Variants in LDB2 observed in about 807,000 individuals in gnomAD.
The protein encoded by LDB2 is LIM domain binding 2, also known as LIM domain-binding protein 2.
LDB2 carries 12 observed loss-of-function variants against 44.3 expected under a neutral mutation model. The observed-to-expected ratio is 0.27, with a 90% CI of 0.17 to 0.44. The LOEUF (loss-of-function observed/expected upper bound fraction) is 0.44, where lower values mean the gene tolerates loss of function less well. LDB2 is among the 20% of genes least tolerant of loss of function. The pLI is 1.00. For missense variants in LDB2, 344 were observed against 473.5 expected, an observed-to-expected ratio of 0.73 and a Z score of 2.54; for synonymous variants, 164 against 174.8, an observed-to-expected ratio of 0.94 and a Z score of 0.49.
At chr4:16,574,035 G>A (rs966902889) in intron 5 of LDB2, among the ~76,000 whole-genome samples, 1 of 152,182 alleles carries the variant, frequency 6.6e-6, no homozygotes, top group African/African-American at 2.4e-5. Context: ...TCTGATGGAG[G>A]TCATTTTCCA....
intron 2 of LDB2, among the ~76,000 whole-genome samples, chr4:16,742,511 A>G (rs1411066310): frequency 6.6e-6 from 1 of 152,208 alleles, no homozygotes. Context: ...ATTTTACAAG[A>G]CACAGAAGCC....
intron 5 of LDB2, among the ~76,000 whole-genome samples, chr4:16,564,038 GCT>G (rs1368208873): frequency 6.6e-6 from 1 of 152,156 alleles, no homozygotes; most frequent in Admixed American, 6.5e-5. Flanking sequence ...TGGGTCCCAG[GCT>G]CTCTTCCCCT....
intron 2 of LDB2, among the ~76,000 whole-genome samples, chr4:16,653,388 T>C (rs1162553033): frequency 1.3e-5 from 2 of 152,186 alleles, no homozygotes; most frequent in African/African-American, 4.8e-5. Flanking sequence ...CATTTGGTGA[T>C]TTAAAAACAA....
intron 2 of LDB2, among the ~76,000 whole-genome samples, chr4:16,748,975 A>G (rs771763263): frequency 6.6e-6 from 1 of 152,198 alleles, no homozygotes; most frequent in Non-Finnish European, 1.5e-5. Context: ...TTGTTCATTC[A>G]TCTTCTTATC....
intron 1 of LDB2, among the ~76,000 whole-genome samples, chr4:16,896,513 G>C (rs1294716540): frequency 1.3e-5 from 2 of 152,262 alleles, no homozygotes; most frequent in East Asian, 3.9e-4. Context: ...GCAGATATCA[G>C]AGAAAGCTGC....
At chr4:16,545,841 C>T (rs1047169548) in intron 5 of LDB2, among the ~76,000 whole-genome samples, 1 of 152,204 alleles carries the variant, frequency 6.6e-6, no homozygotes, top group Non-Finnish European at 1.5e-5. Flanking sequence ...ACATTTCTAA[C>T]ATGCCCCTTC....
At chr4:16,590,962 C>A (rs1255421245) in intron 3 of LDB2, among the ~76,000 whole-genome samples, 1 of 152,132 alleles carries the variant, frequency 6.6e-6, no homozygotes, top group African/African-American at 2.4e-5. Context: ...ACACAATTCC[C>A]CCTGGGGTGT....
intron 2 of LDB2, among the ~76,000 whole-genome samples, chr4:16,647,614 G>C (rs992222): frequency 2.0e-5 from 3 of 152,138 alleles, no homozygotes. Context: ...ACCCTACTTT[G>C]CCCCTCCTGA....
intron 1 of LDB2, among the ~76,000 whole-genome samples, chr4:16,873,205 T>A (rs549176400): frequency 1.3e-5 from 2 of 152,264 alleles, no homozygotes; most frequent in South Asian, 4.1e-4. Flanking sequence ...CATATTTGGA[T>A]AGTGGAGGTC....
chr4:16,679,122 T>C (rs927071141), intron 2 of LDB2, among the ~76,000 whole-genome samples: 1 of 152,220 alleles, frequency 6.6e-6, no homozygotes, highest in African/African-American at 2.4e-5. Context: ...ACGGTGCAAA[T>C]GTAATCTTTT....
At chr4:16,817,918 TA>T (rs900293866) in intron 1 of LDB2, among the ~76,000 whole-genome samples, 8 of 151,468 alleles carry the variant, frequency 5.3e-5, no homozygotes, top group Non-Finnish European at 7.4e-5. Context: ...ATAAAAAAAT[TA>T]AAAAAAAATT....
intron 2 of LDB2, among the ~76,000 whole-genome samples, chr4:16,624,128 G>T (rs1316396324): frequency 1.3e-5 from 2 of 152,178 alleles, no homozygotes; most frequent in African/African-American, 4.8e-5. Context: ...GATTTTAGCT[G>T]CACTTGTCAT....
chr4:16,783,005 C>T (rs1282178737), intron 1 of LDB2, among the ~76,000 whole-genome samples: 1 of 152,192 alleles, frequency 6.6e-6, no homozygotes, highest in Non-Finnish European at 1.5e-5. Flanking sequence ...AGACCTCTCT[C>T]TCTCCAGGAG....
intron 2 of LDB2, among the ~76,000 whole-genome samples, chr4:16,668,697 A>G (rs1026459349): frequency 3.9e-5 from 6 of 152,352 alleles, no homozygotes; most frequent in Non-Finnish European, 7.3e-5. Context: ...AGCAAGTGAT[A>G]GCAGCATAAA....
At chr4:16,724,582 T>C (rs938061337) in intron 2 of LDB2, among the ~76,000 whole-genome samples, 3 of 152,002 alleles carry the variant, frequency 2.0e-5, no homozygotes, top group African/African-American at 4.8e-5. Flanking sequence ...ATGGTAAATC[T>C]ATAGTATCAA....
chr4:16,701,846 T>C (rs1019194959), intron 2 of LDB2, among the ~76,000 whole-genome samples: 2 of 152,180 alleles, frequency 1.3e-5, no homozygotes, highest in Non-Finnish European at 2.9e-5. Flanking sequence ...AGTGTCTACT[T>C]TAGAATTCAA....
chr4:16,655,415 A>T (rs1293774918), intron 2 of LDB2, among the ~76,000 whole-genome samples: 3 of 152,174 alleles, frequency 2.0e-5, no homozygotes, highest in African/African-American at 7.2e-5. Flanking sequence ...AGTGTTTCTG[A>T]TGAAGAGAAA....
At chr4:16,857,145 T>C (rs1393151742) in intron 1 of LDB2, among the ~76,000 whole-genome samples, 1 of 152,196 alleles carries the variant, frequency 6.6e-6, no homozygotes, top group African/African-American at 2.4e-5. Context: ...GGAGTTTATG[T>C]CCTCAATGAT....
intron 2 of LDB2, among the ~76,000 whole-genome samples, chr4:16,700,276 A>G (rs1753153729): frequency 6.6e-6 from 1 of 151,238 alleles, no homozygotes; most frequent in Non-Finnish European, 1.5e-5. Context: ...TGGCAATTCT[A>G]ATAAATGGTC....
Sources: allele counts gnomAD v4.1 joint callset (sites outside exome capture counted in the v4.1 genomes callset), GRCh38; gene constraint gnomAD v4.1.1; transcripts MANE v1.5; gene names NCBI Gene and HGNC (gene_info 2026-07-23, HGNC 2026-07-21).